Variants in ASCC3 observed in about 807,000 individuals in gnomAD.
The protein encoded by ASCC3 is ASC-1 complex subunit P200.
ASCC3 carries 158 observed loss-of-function variants against 256.3 expected under a neutral mutation model. That is an observed-to-expected ratio of 0.62 (90% CI 0.54 to 0.70). ASCC3 has a LOEUF of 0.70. ASCC3 is among the 30% of genes least tolerant of loss of function. The probability of loss-of-function intolerance (pLI) is 0.00; values close to 1 mark genes in which losing one functional copy is unlikely to be tolerated. For synonymous variants in ASCC3, 948 were observed against 883.4 expected, an observed-to-expected ratio of 1.07 and a Z score of -1.30; for missense variants, 2,259 against 2,626.0, an observed-to-expected ratio of 0.86 and a Z score of 3.05.
At chr6:100,632,669 C>T (rs1774617403) in intron 25 of ASCC3, among the ~76,000 whole-genome samples, 1 of 152,068 alleles carries the variant, frequency 6.6e-6, no homozygotes, top group African/African-American at 2.4e-5. Flanking sequence ...GAAATCAACC[C>T]ACACAAACAA....
At chr6:100,515,894 C>A (rs895630859) in intron 39 of ASCC3, among the ~76,000 whole-genome samples, 3 of 152,102 alleles carry the variant, frequency 2.0e-5, no homozygotes, top group Non-Finnish European at 4.4e-5. Context: ...AATGCCAATA[C>A]CACTATTAAT....
chr6:100,811,184 C>G (rs1446217182), intron 4 of ASCC3, among the ~76,000 whole-genome samples: 2 of 152,124 alleles, frequency 1.3e-5, no homozygotes, highest in Non-Finnish European at 2.9e-5. Context: ...TCCAGTTTTT[C>G]CACAATCTTG....
chr6:100,762,743 A>G (rs999342159), intron 10 of ASCC3, among the ~76,000 whole-genome samples: 1 of 152,156 alleles, frequency 6.6e-6, no homozygotes, highest in African/African-American at 2.4e-5. Context: ...ATCACATCTC[A>G]TATTATACTT....
At chr6:100,521,175 A>C (rs539863736) in intron 37 of ASCC3, among the ~76,000 whole-genome samples, 1 of 152,270 alleles carries the variant, frequency 6.6e-6, no homozygotes, top group South Asian at 2.1e-4. Context: ...AACATAAAGT[A>C]ATCCCCCCTT....
chr6:100,577,518 C>T (rs1408283479), intron 36 of ASCC3, among the ~76,000 whole-genome samples: 3 of 152,066 alleles, frequency 2.0e-5, no homozygotes, highest in East Asian at 1.9e-4. Flanking sequence ...ATGTATATAG[C>T]AAGTCTTCTC....
At chr6:100,716,249 TTATGCCCACA>T (rs1779082937) in intron 12 of ASCC3, among the ~76,000 whole-genome samples, 1 of 151,848 alleles carries the variant, frequency 6.6e-6, no homozygotes, top group South Asian at 2.1e-4. Flanking sequence ...TATGAATGTA[TTATGCCCACA>T]TATGCCCAGA....
intron 30 of ASCC3, among the ~76,000 whole-genome samples, chr6:100,616,865 G>C (rs1029862833): frequency 2.0e-5 from 3 of 152,194 alleles, no homozygotes; most frequent in Admixed American, 6.5e-5. Flanking sequence ...AAGAAACACA[G>C]AGGTGTTGAG....
At chr6:100,579,117 C>T (rs994443675) in intron 36 of ASCC3, among the ~76,000 whole-genome samples, 2 of 150,798 alleles carry the variant, frequency 1.3e-5, no homozygotes, top group African/African-American at 4.9e-5. Flanking sequence ...TTGTTGGTCA[C>T]ACGTATATCT....
At chr6:100,735,190 C>T (rs890825086) in intron 10 of ASCC3, among the ~76,000 whole-genome samples, 19 of 152,076 alleles carry the variant, frequency 1.2e-4, no homozygotes, top group African/African-American at 4.6e-4. Flanking sequence ...TCTGATATTA[C>T]AACTTAAGAT....
intron 25 of ASCC3, among the ~76,000 whole-genome samples, chr6:100,635,332 C>A (rs1774790810): frequency 6.6e-6 from 1 of 151,790 alleles, no homozygotes; most frequent in South Asian, 2.1e-4. Context: ...GTGAAATACG[C>A]CAGACATAGA....
chr6:100,805,938 A>G lies in ASCC3; in HGVS notation c.802-58T>C, dbSNP rs1770158726. ...GTTATCTCAAAGTTTAACTTTTTCA[A>G]GTTATTAACAACCTATTCAACAGAG... On this transcript the variant is annotated intron_variant, in intron 4 of 41. Coordinates refer to ENST00000369162, the MANE Select transcript of ASCC3 (RefSeq NM_006828.4). 9 of 1,544,858 alleles carry G rather than the reference A, an allele frequency of 5.8e-6. 1 individual carries two copies. In the South Asian group the frequency reaches 9.1e-5, roughly 16 times the overall value.
At chr6:100,745,325 T>C (rs967869115) in intron 10 of ASCC3, among the ~76,000 whole-genome samples, 4 of 148,702 alleles carry the variant, frequency 2.7e-5, no homozygotes, top group African/African-American at 7.5e-5. Flanking sequence ...AGACTCCATC[T>C]CAAAAAAAAA....
At chr6:100,579,402 C>A (rs958173747) in intron 36 of ASCC3, among the ~76,000 whole-genome samples, 3 of 152,052 alleles carry the variant, frequency 2.0e-5, no homozygotes, top group Non-Finnish European at 4.4e-5. Flanking sequence ...GCATCTTTTT[C>A]ATGAAATATT....
chr6:100,676,896 G>A (rs1168279525), intron 14 of ASCC3, among the ~76,000 whole-genome samples: 1 of 152,224 alleles, frequency 6.6e-6, no homozygotes, highest in East Asian at 1.9e-4. Context: ...AGGAATTGAG[G>A]TGATTACATT....
At position 100,512,824 on chromosome 6, in the gene ASCC3, G is replaced by C. The variant is rs1380957700; in HGVS notation, c.6170C>G (p.Ser2057Cys). The C allele has an allele frequency of 4.3e-6, 7 of 1,614,088 alleles. 1 individual carries two copies. The South Asian group carries it at 7.7e-5, about 18-fold the overall frequency. The change falls in exon 40 of 42, where the codon TCT (serine) becomes TGT (cysteine). Residue 2057 changes from serine (S) to cysteine (C), a missense_variant. Transcript: ENST00000369162. ...DDLVEGHNEL[S>C]VSTLTADKRD... ...TTTGTCTGCAGTCAGAGTTGAGACA[G>C]AGAGTTCATTATGTCCTTCAACTAA... is the stretch of plus-strand genomic sequence containing the variant.
intron 14 of ASCC3, among the ~76,000 whole-genome samples, chr6:100,675,075 C>T (rs1357476018): frequency 1.3e-5 from 2 of 151,408 alleles, no homozygotes; most frequent in Non-Finnish European, 2.9e-5. Context: ...ATGAGGTTAC[C>T]TCCCTTTGAA....
intron 30 of ASCC3, among the ~76,000 whole-genome samples, chr6:100,608,119 TATATATAC>T (rs1365407455): frequency 0.012 from 1,301 of 105,812 alleles, 41 homozygotes; most frequent in African/African-American, 0.056. Context: ...TATATATATC[TATATATAC>T]ATATATATGT....
At chr6:100,664,964 A>G (rs1477509055) in intron 14 of ASCC3, among the ~76,000 whole-genome samples, 2 of 152,202 alleles carry the variant, frequency 1.3e-5, no homozygotes, top group Non-Finnish European at 2.9e-5. Context: ...CTGCATTGAA[A>G]TGTTCTGCTG....
rs1044057688 is a variant in ASCC3, at chr6:100,652,927, T to C, written c.2824-38A>G. 6 of 1,577,644 alleles carry C rather than the reference T, an allele frequency of 3.8e-6. No individual in the cohort carries two copies. In the African/African-American group the frequency reaches 6.7e-5, roughly 18 times the overall value. ...ATATATAAACAGTTGAATAGTGCTT[T>C]AGAGAGTAACCATTTGCAAACATAT... is the stretch of plus-strand genomic sequence containing the variant. On this transcript the variant is annotated intron_variant, in intron 17 of 41. Coordinates refer to ENST00000369162, the MANE Select transcript of ASCC3 (RefSeq NM_006828.4).
Sources: allele counts gnomAD v4.1 joint callset (sites outside exome capture counted in the v4.1 genomes callset), GRCh38; gene constraint gnomAD v4.1.1; transcripts MANE v1.5; gene names NCBI Gene and HGNC (gene_info 2026-07-23, HGNC 2026-07-21).